UQCC1: variants seen among roughly 807,000 people sequenced by gnomAD.
The protein encoded by UQCC1 is bFGF-repressed Zic-binding protein.
Under a neutral mutation model 48.0 loss-of-function variants are expected in UQCC1, and 38 were observed. That is an observed-to-expected ratio of 0.79 (90% CI 0.61 to 1.04). The LOEUF (loss-of-function observed/expected upper bound fraction) is 1.04, where lower values mean the gene tolerates loss of function less well. Among genes scored for constraint, UQCC1 ranks in the 50% least tolerant of loss-of-function variants. The pLI is 0.00. For missense variants in UQCC1, 368 were observed against 381.8 expected (o/e 0.96, Z 0.30); for synonymous variants, 111 against 129.2 (o/e 0.86, Z 0.95).
At chr20:35,391,672 C>CT (rs2062016235) in intron 2 of UQCC1, among the ~76,000 whole-genome samples, 1 of 150,202 alleles carries the variant, frequency 6.7e-6, no homozygotes, top group Admixed American at 6.7e-5. Flanking sequence ...TTGGAGACGA[C>CT]TAAGAATATA....
intron 1 of UQCC1, among the ~76,000 whole-genome samples, chr20:35,404,728 T>A (rs1319976814): frequency 1.3e-5 from 2 of 151,022 alleles, no homozygotes; most frequent in African/African-American, 4.9e-5. Flanking sequence ...TCAACCTGTC[T>A]GACAGTTCCT....
At chr20:35,309,493 C>T (rs905650776) in intron 8 of UQCC1, among the ~76,000 whole-genome samples, 5 of 152,028 alleles carry the variant, frequency 3.3e-5, no homozygotes, top group Non-Finnish European at 7.4e-5. Flanking sequence ...TTCTTCCCAC[C>T]ACACTGCTAG....
chr20:35,345,551 A>G (rs1210306652), intron 7 of UQCC1: 1 of 152,222 alleles, frequency 6.6e-6, no homozygotes, highest in Non-Finnish European at 1.5e-5. Context: ...AAAGCAAAAA[A>G]TGAAAAAGGA....
chr20:35,332,147 C>A (rs1471511782), intron 7 of UQCC1, among the ~76,000 whole-genome samples: 2 of 152,174 alleles, frequency 1.3e-5, no homozygotes, highest in Non-Finnish European at 2.9e-5. Flanking sequence ...CTGAATGCCA[C>A]ACTTTAGAGG....
At chr20:35,310,105 A>G (rs1477863545) in intron 8 of UQCC1, among the ~76,000 whole-genome samples, 1 of 152,182 alleles carries the variant, frequency 6.6e-6, no homozygotes, top group African/African-American at 2.4e-5. Context: ...CTGTAGTTAG[A>G]TATTTACTGC....
intron 7 of UQCC1, chr20:35,346,920 T>C: frequency 7.1e-7 from 1 of 1,402,404 alleles, no homozygotes; most frequent in Non-Finnish European, 9.5e-7. Flanking sequence ...GGCTTTACAA[T>C]CCCATCTCCA....
chr20:35,364,036 C>T (rs1004668088), intron 6 of UQCC1, among the ~76,000 whole-genome samples: 1 of 152,206 alleles, frequency 6.6e-6, no homozygotes, highest in African/African-American at 2.4e-5. Context: ...CCCAAACTAA[C>T]TACTTTCCTG....
At chr20:35,375,628 AAAACTG>A (rs1412137108) in intron 4 of UQCC1, among the ~76,000 whole-genome samples, 2 of 152,196 alleles carry the variant, frequency 1.3e-5, no homozygotes, top group East Asian at 3.9e-4. Flanking sequence ...AGAAATCAAC[AAAACTG>A]AAACAGGAAG....
intron 6 of UQCC1, among the ~76,000 whole-genome samples, chr20:35,353,583 G>A (rs1344990428): frequency 1.3e-5 from 2 of 152,022 alleles, no homozygotes; most frequent in African/African-American, 4.8e-5. Flanking sequence ...TTGAGGCCAA[G>A]AGTTCAAGAC....
chr20:35,375,825 G>A lies in UQCC1; in HGVS notation c.334-1569C>T, dbSNP rs889498945. On this transcript the variant is annotated intron_variant, in intron 4 of 9. Transcript: ENST00000374385. ...AAAAATTAGCTGGCCATGGTGGTGT[G>A]TGCCTATAGTACCAGCTACTCAGGA... Among the ~76,000 whole-genome samples the A allele has an allele frequency of 2.6e-5, 4 of 151,802 alleles. No individual in the cohort carries two copies. The East Asian group carries it at 5.8e-4, about 22-fold the overall frequency.
At chr20:35,352,407 G>A (rs1415620293) in intron 6 of UQCC1, among the ~76,000 whole-genome samples, 1 of 152,174 alleles carries the variant, frequency 6.6e-6, no homozygotes, top group Non-Finnish European at 1.5e-5. Context: ...AAGAAGATTC[G>A]CTCCTTAGCA....
At chr20:35,305,632 C>T (rs2060920146) in intron 9 of UQCC1, among the ~76,000 whole-genome samples, 1 of 152,226 alleles carries the variant, frequency 6.6e-6, no homozygotes, top group Non-Finnish European at 1.5e-5. Flanking sequence ...AGTCCTGGCT[C>T]CTGGGATTCT....
intron 7 of UQCC1, among the ~76,000 whole-genome samples, chr20:35,318,573 C>T (rs1404189074): frequency 1.3e-5 from 2 of 152,216 alleles, no homozygotes; most frequent in East Asian, 1.9e-4. Flanking sequence ...ATTCTAACTC[C>T]AGTGACCTGT....
intron 7 of UQCC1, chr20:35,345,585 T>C (rs777152957): frequency 5.3e-5 from 8 of 152,118 alleles, no homozygotes; most frequent in Non-Finnish European, 8.8e-5. Context: ...ATTACAAAGA[T>C]AGCTCTCAGG....
intron 6 of UQCC1, 143 bp from the exon 7 acceptor site, chr20:35,347,415 T>C (rs2061443705): frequency 1.1e-6 from 1 of 881,454 alleles, no homozygotes; most frequent in Admixed American, 2.7e-5. Context: ...TTTTAAACTT[T>C]TACTGAGATA....
At chr20:35,327,379 G>T (rs2061206967) in intron 7 of UQCC1, among the ~76,000 whole-genome samples, 1 of 152,172 alleles carries the variant, frequency 6.6e-6, no homozygotes, top group African/African-American at 2.4e-5. Flanking sequence ...CTGACCCAAT[G>T]GTTATCTGAG....
intron 7 of UQCC1, among the ~76,000 whole-genome samples, chr20:35,328,919 A>G (rs2061227327): frequency 6.6e-6 from 1 of 152,242 alleles, no homozygotes. Context: ...AGCATAAACT[A>G]GATTGTAAGC....
chr20:35,368,298 G>C (rs2061692079), intron 5 of UQCC1, among the ~76,000 whole-genome samples: 1 of 152,156 alleles, frequency 6.6e-6, no homozygotes, highest in Admixed American at 6.5e-5. Flanking sequence ...CTATGTGCCA[G>C]ATGTTCTACT....
intron 2 of UQCC1, among the ~76,000 whole-genome samples, chr20:35,388,671 G>C (rs6088815): frequency 0.56 from 84,850 of 151,966 alleles, 24,417 homozygotes; most frequent in East Asian, 0.72. Context: ...TGTTCTGTCC[G>C]CTATATCAAG....
Sources: allele counts gnomAD v4.1 joint callset (sites outside exome capture counted in the v4.1 genomes callset), GRCh38; gene constraint gnomAD v4.1.1; transcripts MANE v1.5; gene names NCBI Gene and HGNC (gene_info 2026-07-23, HGNC 2026-07-21).